HS6ST2: variants seen among roughly 807,000 people sequenced by gnomAD.
HS6ST2 encodes heparan-sulfate 6-O-sulfotransferase 2.
Under a neutral mutation model 33.0 loss-of-function variants are expected in HS6ST2, and 17 were observed. That is an observed-to-expected ratio of 0.52 (90% CI 0.35 to 0.77). The LOEUF is 0.77. Ranked by LOEUF, HS6ST2 falls within the 30% of genes least tolerant of loss-of-function variation. HS6ST2 has a pLI of 0.01. For missense variants in HS6ST2, 519 were observed against 551.7 expected (o/e 0.94, Z 0.59); for synonymous variants, 248 against 237.1 (o/e 1.05, Z -0.42).
intron 2 of HS6ST2, among the ~76,000 whole-genome samples, chrX:132,902,713 AG>A (rs1233976374): frequency 8.9e-6 from 1 of 112,004 alleles, no homozygotes; most frequent in East Asian, 2.8e-4. Flanking sequence ...GCAGGCTTTA[AG>A]AAGGAAGTCT....
intron 2 of HS6ST2, among the ~76,000 whole-genome samples, chrX:132,742,006 A>G (rs1475271039): frequency 3.6e-5 from 4 of 112,339 alleles, no homozygotes; most frequent in Non-Finnish European, 5.6e-5. Context: ...AGTCATTGGT[A>G]GGTGCTATTC....
intron 2 of HS6ST2, among the ~76,000 whole-genome samples, chrX:132,721,873 A>G (rs745931249): frequency 7.1e-5 from 8 of 111,895 alleles, no homozygotes; most frequent in Non-Finnish European, 1.5e-4. Flanking sequence ...TCAAATAAGC[A>G]ACCTAACAAT....
In HS6ST2 at chrX:132,904,410, G is replaced by A. The variant is rs752904808; in HGVS notation, c.947+52398C>T. On this transcript the variant is annotated intron_variant, in intron 2 of 4. Coordinates refer to ENST00000370833, the MANE Select transcript of HS6ST2 (RefSeq NM_001394073.1). ...GAATATTCTCATTTTGCGTCTCATA[G>A]TGCAATATCTAAGGTCAACAGTTAT... Among the ~76,000 whole-genome samples, 5 of 111,711 alleles carry A rather than the reference G, an allele frequency of 4.5e-5. No individual in the cohort carries two copies. The South Asian group carries it at 1.9e-3, about 42-fold the overall frequency.
intron 2 of HS6ST2, among the ~76,000 whole-genome samples, chrX:132,952,429 C>A (rs929859179): frequency 1.8e-5 from 2 of 111,018 alleles, no homozygotes; most frequent in Non-Finnish European, 3.8e-5. Context: ...TGTAACAGTC[C>A]ATTCTGCTTA....
At chrX:132,640,740 T>C (rs2063596677) in intron 4 of HS6ST2, among the ~76,000 whole-genome samples, 1 of 112,158 alleles carries the variant, frequency 8.9e-6, no homozygotes, top group Non-Finnish European at 1.9e-5. Flanking sequence ...TTTATACTGA[T>C]TATATGTTGA....
At chrX:132,954,022 C>T (rs1295765019) in intron 2 of HS6ST2, among the ~76,000 whole-genome samples, 2 of 112,245 alleles carry the variant, frequency 1.8e-5, no homozygotes, top group South Asian at 3.8e-4. Context: ...TCAGTGACCC[C>T]GGGGAAGCCC....
intron 2 of HS6ST2, among the ~76,000 whole-genome samples, chrX:132,723,831 C>T (rs941959622): frequency 7.1e-5 from 8 of 112,015 alleles, no homozygotes; most frequent in Non-Finnish European, 1.3e-4. Context: ...CATAATCAGA[C>T]AAGAGAATGA....
intron 2 of HS6ST2, among the ~76,000 whole-genome samples, chrX:132,722,916 A>G (rs1389808197): frequency 3.6e-5 from 4 of 110,308 alleles, no homozygotes; most frequent in Admixed American, 9.6e-5. Flanking sequence ...AAACAAAAAA[A>G]CCAAAAAGTT....
At chrX:132,957,616 G>A (rs1265045725) in intron 1 of HS6ST2, among the ~76,000 whole-genome samples, 2 of 108,761 alleles carry the variant, frequency 1.8e-5, no homozygotes, top group Non-Finnish European at 3.8e-5. Context: ...GCTCCCCGGA[G>A]CCCCTCCACG....
At chrX:132,830,686 C>G (rs2065580374) in intron 2 of HS6ST2, among the ~76,000 whole-genome samples, 1 of 112,013 alleles carries the variant, frequency 8.9e-6, no homozygotes, top group Non-Finnish European at 1.9e-5. Flanking sequence ...CCCTCCAGGT[C>G]TTCCATTAGC....
In HS6ST2 at chrX:132,628,605, C is replaced by T. The variant is rs749457661; in HGVS notation, c.1556G>A (p.Gly519Glu). The change falls in exon 5 of 5, where the codon GGA (glycine) becomes GAA (glutamate). Residue 519 changes from glycine to glutamate, a missense_variant. Physicochemically the swap from Gly to Glu is moderately conservative, Grantham distance 98. Coordinates refer to ENST00000370833, the MANE Select transcript of HS6ST2 (RefSeq NM_001394073.1). Reference sequence around the variant, plus strand: ...CAACTCCATATCCAGAAAATTCAGTCCCTCAATACGCTTTTGAATTTCCTC... The same window carrying T: ...CAACTCCATATCCAGAAAATTCAGTTCCTCAATACGCTTTTGAATTTCCTC... ...INEEIQKRIEGLNFLDMELYS... is the reference protein window; with the variant it reads ...INEEIQKRIEELNFLDMELYS... 8.3e-7 allele frequency: 1 copy of T among 1,209,618 alleles called. No individual in the cohort carries two copies. Among genetic ancestry groups the T allele is most frequent in the Non-Finnish European group, 1.1e-6 (1 of 895,094 alleles).
intron 3 of HS6ST2, among the ~76,000 whole-genome samples, chrX:132,691,305 A>G (rs2064062078): frequency 8.9e-6 from 1 of 111,937 alleles, no homozygotes; most frequent in African/African-American, 3.2e-5. Context: ...GTAAATGACA[A>G]CAGAGGAGGA....
chrX:132,707,859 G>A (rs140992569), intron 3 of HS6ST2, among the ~76,000 whole-genome samples: 1,508 of 111,473 alleles, frequency 0.014, 29 homozygotes, highest in African/African-American at 0.047. Flanking sequence ...CTCAGCGTCC[G>A]TCTTCCCCAC....
chrX:132,807,688 G>C (rs1354186808), intron 2 of HS6ST2, among the ~76,000 whole-genome samples: 5 of 112,254 alleles, frequency 4.5e-5, no homozygotes, highest in African/African-American at 6.5e-5. Flanking sequence ...TTCACTGTGA[G>C]AAGCGAAAAC....
intron 2 of HS6ST2, among the ~76,000 whole-genome samples, chrX:132,785,098 G>A (rs761678418): frequency 5.5e-4 from 62 of 112,317 alleles, no homozygotes; most frequent in Non-Finnish European, 1.1e-3. Context: ...AGCTAACAAT[G>A]TATTAAAAGG....
chrX:132,660,526 TTTC>T (rs1173881907), intron 4 of HS6ST2, among the ~76,000 whole-genome samples: 4 of 111,305 alleles, frequency 3.6e-5, no homozygotes, highest in African/African-American at 1.3e-4. Context: ...AGGGTTTATT[TTTC>T]TTCTTGTTTT....
At chrX:132,858,323 G>A (rs1010016633) in intron 2 of HS6ST2, among the ~76,000 whole-genome samples, 2 of 112,155 alleles carry the variant, frequency 1.8e-5, no homozygotes, top group African/African-American at 3.2e-5. Flanking sequence ...AGGGAATCTT[G>A]ATGGTGAAAC....
intron 2 of HS6ST2, among the ~76,000 whole-genome samples, chrX:132,805,171 C>T (rs183518250): frequency 5.4e-5 from 6 of 111,361 alleles, no homozygotes; most frequent in Non-Finnish European, 7.5e-5. Context: ...ATTGCAGATC[C>T]GGTGACCTTG....
At chrX:132,763,753 C>T (rs1471320913) in intron 2 of HS6ST2, among the ~76,000 whole-genome samples, 1 of 112,153 alleles carries the variant, frequency 8.9e-6, no homozygotes, top group Non-Finnish European at 1.9e-5. Context: ...TTAGAGGCTG[C>T]TTGTGTCATC....
Sources: gnomAD v4.1 joint callset for allele counts (sites outside exome capture counted in the v4.1 genomes callset) on GRCh38, gnomAD v4.1.1 for gene constraint, MANE v1.5 for transcripts, NCBI Gene and HGNC (gene_info 2026-07-23, HGNC 2026-07-21) for gene names.